ENTHD1: variants seen among roughly 807,000 people sequenced by gnomAD.
ENTHD1 encodes the protein ENTH domain-containing protein 1.
Under a neutral mutation model 39.1 loss-of-function variants are expected in ENTHD1, and 23 were observed. The observed-to-expected ratio is 0.59, with a 90% confidence interval of 0.42 to 0.83. The LOEUF is 0.83. Ranked by LOEUF, ENTHD1 falls within the 40% of genes least tolerant of loss-of-function variation. The pLI, the probability that ENTHD1 is intolerant of heterozygous loss-of-function variation, is 0.00. For missense variants in ENTHD1, 624 were observed against 705.4 expected (o/e 0.88, Z 1.31); for synonymous variants, 230 against 258.2 (o/e 0.89, Z 1.05).
chr22:39,892,966 T>C (rs2066439612), intron 1 of ENTHD1, among the ~76,000 whole-genome samples: 1 of 152,184 alleles, frequency 6.6e-6, no homozygotes, highest in South Asian at 2.1e-4. Context: ...ATTCAACTAA[T>C]AATCTTCCAG....
intron 2 of ENTHD1, among the ~76,000 whole-genome samples, chr22:39,869,958 T>C (rs1227699739): frequency 6.6e-6 from 1 of 151,600 alleles, no homozygotes. Flanking sequence ...CAGCTGAAGA[T>C]AGATTTGGTA....
intron 1 of ENTHD1, among the ~76,000 whole-genome samples, chr22:39,890,572 G>A (rs1054197358): frequency 6.6e-6 from 1 of 151,854 alleles, no homozygotes. Context: ...CTATATTTTG[G>A]AAGAACAATC....
At chr22:39,821,209 A>T (rs2065780820) in intron 4 of ENTHD1, 96 bp from the exon 5 acceptor site, 2 of 1,378,152 alleles carry the variant, frequency 1.5e-6, no homozygotes, top group Admixed American at 4.2e-5. Flanking sequence ...ATGTGCTAAC[A>T]TCATCATAAA....
At chr22:39,866,342 G>A (rs1027344280) in intron 2 of ENTHD1, among the ~76,000 whole-genome samples, 3 of 152,196 alleles carry the variant, frequency 2.0e-5, no homozygotes, top group Admixed American at 2.0e-4. Context: ...TCTAAGCAAT[G>A]GGGGTGCAAG....
intron 6 of ENTHD1, among the ~76,000 whole-genome samples, chr22:39,754,792 G>A (rs1371355475): frequency 6.6e-6 from 1 of 152,112 alleles, no homozygotes; most frequent in Non-Finnish European, 1.5e-5. Flanking sequence ...AACAGCCTTT[G>A]AAGTGTTCCT....
chr22:39,892,396 G>A (rs1191370708), intron 1 of ENTHD1, among the ~76,000 whole-genome samples: 1 of 152,186 alleles, frequency 6.6e-6, no homozygotes, highest in Non-Finnish European at 1.5e-5. Context: ...TTTTGGGTGC[G>A]GTGGTAGGGG....
chr22:39,770,497 A>AC (rs2065312937), intron 5 of ENTHD1, among the ~76,000 whole-genome samples: 1 of 152,262 alleles, frequency 6.6e-6, no homozygotes, highest in African/African-American at 2.4e-5. Context: ...GGCCTGGGTC[A>AC]CCACCCCACA....
At chr22:39,759,349 T>C (rs2065211326) in intron 6 of ENTHD1, among the ~76,000 whole-genome samples, 1 of 152,164 alleles carries the variant, frequency 6.6e-6, no homozygotes. Flanking sequence ...CGCAGGTCAA[T>C]TTTAGCCAGT....
intron 1 of ENTHD1, among the ~76,000 whole-genome samples, chr22:39,889,758 T>C (rs1569184169): frequency 1.3e-5 from 2 of 152,136 alleles, no homozygotes; most frequent in African/African-American, 2.4e-5. Flanking sequence ...AACCTCTTTT[T>C]GGTAAAAATA....
intron 5 of ENTHD1, among the ~76,000 whole-genome samples, chr22:39,772,048 C>T (rs1455937118): frequency 2.0e-5 from 3 of 152,056 alleles, no homozygotes; most frequent in Admixed American, 6.5e-5. Flanking sequence ...ATAGTTTAAA[C>T]GACTATAGCA....
rs77915572 is a variant in ENTHD1 at position 39,814,295 on chromosome 22, C to CAAAAAAAAAAAAAA, written c.832+6684_832+6697dup. On this transcript the variant is annotated intron_variant, in intron 5 of 6. Coordinates refer to ENST00000325157, the MANE Select transcript of ENTHD1 (RefSeq NM_152512.4). ...GCAACATGGCAAAACCCCATCTCTACAAAAAAAAAAAAAAAATAACCAGGT... is the reference window on the plus strand; with the variant it reads ...GCAACATGGCAAAACCCCATCTCTACAAAAAAAAAAAAAAAAAAAAAAAAAAAAAATAACCAGGT... Among the ~76,000 whole-genome samples, 596 of 97,526 alleles carry CAAAAAAAAAAAAAA rather than the reference C, an allele frequency of 6.1e-3. 11 individuals are homozygous for CAAAAAAAAAAAAAA. The highest frequency in any genetic ancestry group is 0.019 in the African/African-American group (527 of 27,406). 64.0% of individuals were successfully genotyped at this position (97,526 alleles called of 152,430 possible).
At chr22:39,811,588 G>T (rs2146633279) in intron 5 of ENTHD1, among the ~76,000 whole-genome samples, 1 of 152,294 alleles carries the variant, frequency 6.6e-6, no homozygotes, top group East Asian at 1.9e-4. Flanking sequence ...TTGACCACAG[G>T]ACACCAAGTG....
At chr22:39,849,053 A>G (rs2146700896) in intron 3 of ENTHD1, among the ~76,000 whole-genome samples, 1 of 152,178 alleles carries the variant, frequency 6.6e-6, no homozygotes, top group South Asian at 2.1e-4. Context: ...GGTTTGTTCC[A>G]TTGGTCCATG....
intron 3 of ENTHD1, among the ~76,000 whole-genome samples, chr22:39,851,039 C>T (rs574899967): frequency 1.3e-4 from 20 of 152,224 alleles, no homozygotes; most frequent in Non-Finnish European, 7.4e-5. Flanking sequence ...AAACTCTCTT[C>T]GTTTTTTTAT....
At chr22:39,780,736 C>T (rs1009546582) in intron 5 of ENTHD1, among the ~76,000 whole-genome samples, 23 of 152,152 alleles carry the variant, frequency 1.5e-4, no homozygotes, top group Non-Finnish European at 2.2e-4. Flanking sequence ...CGGTGGCTTG[C>T]GCCTATAATC....
intron 4 of ENTHD1, among the ~76,000 whole-genome samples, chr22:39,834,684 A>G (rs2065894968): frequency 6.6e-6 from 1 of 152,202 alleles, no homozygotes; most frequent in South Asian, 2.1e-4. Flanking sequence ...AAATATTCAC[A>G]GCAACTTTAT....
intron 5 of ENTHD1, among the ~76,000 whole-genome samples, chr22:39,808,635 G>A (rs1448459452): frequency 6.6e-6 from 1 of 152,220 alleles, no homozygotes; most frequent in East Asian, 1.9e-4. Context: ...ACACTCATTA[G>A]TAATGGGAAA....
chr22:39,784,566 A>G (rs1252159899), intron 5 of ENTHD1, among the ~76,000 whole-genome samples: 1 of 151,330 alleles, frequency 6.6e-6, no homozygotes, highest in African/African-American at 2.4e-5. Context: ...ACACACACAC[A>G]CACACACACA....
chr22:39,754,346 C>T (rs1405855661), intron 6 of ENTHD1, among the ~76,000 whole-genome samples: 1 of 152,202 alleles, frequency 6.6e-6, no homozygotes, highest in East Asian at 1.9e-4. Flanking sequence ...CTGGAGAAAA[C>T]CACAGGCCTC....
Sources: gnomAD v4.1 joint callset for allele counts (sites outside exome capture counted in the v4.1 genomes callset) on GRCh38, gnomAD v4.1.1 for gene constraint, MANE v1.5 for transcripts, NCBI Gene and HGNC (gene_info 2026-07-23, HGNC 2026-07-21) for gene names.